The following ADGRF1 variants were observed in gnomAD, a reference collection of about 807,000 sequenced individuals.
ADGRF1 encodes the protein G protein-coupled receptor 110.
In ADGRF1, 85 loss-of-function variants were observed where a neutral mutation model predicts 87.2. The observed-to-expected ratio is 0.97, with a 90% CI of 0.82 to 1.17. ADGRF1 has a LOEUF of 1.17. ADGRF1 is among the 50% of genes most tolerant of loss of function. ADGRF1 has a pLI of 0.00. For synonymous variants in ADGRF1, 430 were observed against 408.8 expected, an observed-to-expected ratio of 1.05 and a Z score of -0.63; for missense variants, 1,169 against 1,077.2, an observed-to-expected ratio of 1.09 and a Z score of -1.19.
intron 1 of ADGRF1, among the ~76,000 whole-genome samples, chr6:47,037,942 C>T (rs1780636079): frequency 6.6e-6 from 1 of 152,118 alleles, no homozygotes; most frequent in African/African-American, 2.4e-5. Context: ...CTTACTGCAC[C>T]CTCTTCCTCC....
chr6:46,999,139 G>A lies in ADGRF1; in HGVS notation c.*1083C>T, dbSNP rs1376410846. ...AATGTGATGGAAGTATGGAAGAGAA[G>A]TGTTGCTTCACATAGCGTCAACTCC... On this transcript the variant is annotated 3_prime_UTR_variant, in exon 15 of 15. Transcript: ENST00000371253. The A allele has an allele frequency of 6.6e-6, 1 of 152,248 alleles. No individual in the cohort carries two copies. Among genetic ancestry groups the A allele is most frequent in the African/African-American group, 2.4e-5 (1 of 41,468 alleles). The allele number at this position is 152,248 out of a possible 1,614,324, so 9.4% of individuals were successfully genotyped here.
intron 1 of ADGRF1, among the ~76,000 whole-genome samples, chr6:47,034,468 G>T (rs1233744824): frequency 6.6e-6 from 1 of 152,176 alleles, no homozygotes; most frequent in African/African-American, 2.4e-5. Context: ...TTCTGGACTT[G>T]TAAGTCTGGA....
intron 6 of ADGRF1, among the ~76,000 whole-genome samples, chr6:47,021,358 C>G (rs911885322): frequency 6.6e-6 from 1 of 151,300 alleles, no homozygotes; most frequent in Non-Finnish European, 1.5e-5. Flanking sequence ...GAGCTTAGAT[C>G]ATGATTTTTT....
In ADGRF1 at chr6:47,009,274, T is replaced by C; in HGVS notation, c.2161A>G (p.Thr721Ala). 1 of 1,614,168 alleles carries C rather than the reference T, an allele frequency of 6.2e-7. No homozygotes were observed. Among genetic ancestry groups the C allele is most frequent in the Non-Finnish European group, 8.5e-7 (1 of 1,180,020 alleles). Residue 721 changes from threonine (T) to alanine (A), a missense_variant, in exon 11 of 15, where the codon ACG (threonine) becomes GCG (alanine). Coordinates refer to ENST00000371253, the MANE Select transcript of ADGRF1 (RefSeq NM_153840.4). ...LIISVITIAVTQPSNTYKRKD... is the reference protein window; with the variant it reads ...LIISVITIAVAQPSNTYKRKD... ...CTTTTGTAGGTATTGCTAGGTTGCGTGACAGCAATGGTAATGACAGATATA... is the reference window on the plus strand; with the variant it reads ...CTTTTGTAGGTATTGCTAGGTTGCGCGACAGCAATGGTAATGACAGATATA...
intron 13 of ADGRF1, among the ~76,000 whole-genome samples, chr6:47,003,382 T>A (rs528606164): frequency 6.6e-6 from 1 of 152,352 alleles, no homozygotes; most frequent in South Asian, 2.1e-4. Flanking sequence ...CTGTCTCTTG[T>A]GGAAGAAATT....
Position 47,009,057 on chromosome 6 carries a change from A to G in ADGRF1, c.2378T>C (p.Leu793Pro). The change falls in exon 11 of 15, where the codon CTC becomes CCC. Residue 793 changes from leucine (L) to proline (P), a missense_variant. Physicochemically the swap from Leu to Pro is moderately conservative, Grantham distance 98. Coordinates refer to ENST00000371253, the MANE Select transcript of ADGRF1 (RefSeq NM_153840.4). ...CCCTAGCAGAGGGGTCAGAATGAGG[A>G]GGCTCTTCCCCACGCGGATGATGGT... ...KATIIRVGKS[L>P]LILTPLLGLT... The G allele has an allele frequency of 1.2e-6, 2 of 1,614,080 alleles. No homozygotes were observed. Among genetic ancestry groups the G allele is most frequent in the Non-Finnish European group, 1.7e-6 (2 of 1,179,998 alleles).
intron 6 of ADGRF1, among the ~76,000 whole-genome samples, chr6:47,021,478 A>T (rs1780049767): frequency 6.6e-6 from 1 of 152,080 alleles, no homozygotes; most frequent in African/African-American, 2.4e-5. Flanking sequence ...CTCGTGCCTC[A>T]TCACCTGAGT....
rs1439103825 is a variant in ADGRF1, at chr6:47,009,012, A to T, written c.2423T>A (p.Ile808Lys). 3 of 1,614,026 alleles carry T rather than the reference A, an allele frequency of 1.9e-6. No individual in the cohort carries two copies. Among genetic ancestry groups the T allele is most frequent in the Admixed American group, 3.3e-5 (2 of 60,008 alleles). ...PLLGLTWGFGIGTIVDSQNLA... is the reference protein window; with the variant it reads ...PLLGLTWGFGKGTIVDSQNLA... ...ATTCTGGCTGTCCACTATTGTTCCT[A>T]TTCCAAAGCCCCAGGTGAGCCCTAG... Residue 808 changes from isoleucine (I) to lysine (K), a missense_variant, in exon 11 of 15, where the codon ATA becomes AAA. Physicochemically the swap from Ile to Lys is moderately radical, Grantham distance 102. Coordinates refer to ENST00000371253, the MANE Select transcript of ADGRF1 (RefSeq NM_153840.4).
intron 1 of ADGRF1, among the ~76,000 whole-genome samples, chr6:47,041,152 C>T (rs60348309): frequency 0.012 from 1,781 of 152,230 alleles, 31 homozygotes; most frequent in African/African-American, 0.041. Context: ...TGTTTTACTA[C>T]TTGTCAAAGG....
chr6:47,015,574 C>T (rs538931774), intron 8 of ADGRF1, among the ~76,000 whole-genome samples: 6 of 149,182 alleles, frequency 4.0e-5, no homozygotes, highest in Non-Finnish European at 7.4e-5. Flanking sequence ...CGATGCCTGG[C>T]TATTTATTTA....
chr6:47,027,958 A>C (rs1158114518), intron 2 of ADGRF1, among the ~76,000 whole-genome samples, 197 bp from the exon 3 acceptor site: 12 of 152,128 alleles, frequency 7.9e-5, no homozygotes, highest in Admixed American at 7.9e-4. Flanking sequence ...CTGGCAGGTA[A>C]AGGCAGAATG....
chr6:47,021,877 T>TTAAA (rs1780064195), intron 6 of ADGRF1, 81 bp downstream of exon 6: 2 of 766,912 alleles, frequency 2.6e-6, no homozygotes, highest in East Asian at 5.2e-5. Flanking sequence ...AGAATATGTA[T>TTAAA]TAAATATACA....
At chr6:47,032,554 T>C (rs1482218813) in intron 1 of ADGRF1, among the ~76,000 whole-genome samples, 1 of 152,262 alleles carries the variant, frequency 6.6e-6, no homozygotes, top group Non-Finnish European at 1.5e-5. Context: ...AAATGGGCTC[T>C]GTAGCTGTAC....
In ADGRF1 at chr6:47,031,461, C is replaced by G. The variant is rs1199183518; in HGVS notation, c.-43-2357G>C. ...GCAGCTTGAGAAAGCCTGAGGACAG[C>G]TCTGGGCATTGTGGGAAAGCCTTCT... On this transcript the variant is annotated intron_variant, in intron 1 of 14. Coordinates refer to ENST00000371253, the MANE Select transcript of ADGRF1 (RefSeq NM_153840.4). 3.3e-5 allele frequency among the ~76,000 whole-genome samples: 5 copies of G among 152,000 alleles called. No individual in the cohort carries two copies. In the South Asian group the frequency reaches 6.2e-4, roughly 19 times the overall value.
intron 3 of ADGRF1, among the ~76,000 whole-genome samples, chr6:47,026,836 C>T (rs1780251392): frequency 6.6e-6 from 1 of 152,184 alleles, no homozygotes; most frequent in South Asian, 2.1e-4. Context: ...TTGGAAGTCC[C>T]CTCTGAGTGG....
intron 1 of ADGRF1, among the ~76,000 whole-genome samples, chr6:47,036,495 T>C (rs922784194): frequency 6.6e-6 from 1 of 152,250 alleles, no homozygotes; most frequent in South Asian, 2.1e-4. Context: ...GAAACACAAA[T>C]GATCAGGCCT....
At position 47,009,067 on chromosome 6, in the gene ADGRF1, C is replaced by A; in HGVS notation, c.2368G>T (p.Gly790Trp). The change falls in exon 11 of 15, where the codon GGG becomes TGG. Residue 790 changes from glycine (G) to tryptophan (W), a missense_variant. Gly to Trp is a radical substitution (Grantham distance 184, BLOSUM62 -2). Coordinates refer to ENST00000371253, the MANE Select transcript of ADGRF1 (RefSeq NM_153840.4). ...RDDKATIIRV[G>W]KSLLILTPLL... ...GGGGTCAGAATGAGGAGGCTCTTCC[C>A]CACGCGGATGATGGTGGCCTTGTCA... is the stretch of plus-strand genomic sequence containing the variant. 9.9e-6 allele frequency: 16 copies of A among 1,614,064 alleles called. No individual in the cohort carries two copies. Among genetic ancestry groups the A allele is most frequent in the Non-Finnish European group, 1.4e-5 (16 of 1,180,008 alleles).
intron 11 of ADGRF1, among the ~76,000 whole-genome samples, chr6:47,008,083 T>G (rs563468947): frequency 6.6e-6 from 1 of 152,190 alleles, no homozygotes; most frequent in Admixed American, 6.5e-5. Flanking sequence ...ATTTAAAAGA[T>G]GAGAGAATTG....
chr6:47,016,824 TC>T, intron 7 of ADGRF1, 56 bp from the exon 8 acceptor site: 1 of 1,522,310 alleles, frequency 6.6e-7, no homozygotes, highest in Non-Finnish European at 8.9e-7. Flanking sequence ...ATTCATTCAC[TC>T]CCGGCCTATG....
Sources: allele counts gnomAD v4.1 joint callset (sites outside exome capture counted in the v4.1 genomes callset), GRCh38; gene constraint gnomAD v4.1.1; transcripts MANE v1.5; gene names NCBI Gene and HGNC (gene_info 2026-07-23, HGNC 2026-07-21).